STK17A: variants seen among roughly 807,000 people sequenced by gnomAD.
STK17A encodes the protein serine/threonine kinase 17a.
STK17A carries 26 observed loss-of-function variants against 43.7 expected under a neutral mutation model. The observed-to-expected ratio is 0.60, with a 90% CI of 0.44 to 0.83. The LOEUF (loss-of-function observed/expected upper bound fraction) is 0.83, where lower values mean the gene tolerates loss of function less well. STK17A is among the 40% of genes least tolerant of loss of function. STK17A has a pLI of 0.00. For missense variants in STK17A, 476 were observed against 511.6 expected (o/e 0.93, Z 0.67); for synonymous variants, 191 against 182.5 (o/e 1.05, Z -0.38).
In STK17A at chr7:43,626,241, A is replaced by G. The variant is rs1047012430; in HGVS notation, c.*1399A>G. 1 of 152,222 alleles carries G rather than the reference A, an allele frequency of 6.6e-6. No individual in the cohort carries two copies. Among genetic ancestry groups the G allele is most frequent in the East Asian group, 1.9e-4 (1 of 5,202 alleles). The allele number at this position is 152,222 out of a possible 1,614,324, so 9.4% of individuals were successfully genotyped here. ...GCTCTCTCCCTAACATGGTTTCTCA[A>G]CTGTCAAAATCATGAAAATGACAGC... is the stretch of plus-strand genomic sequence containing the variant. On this transcript the variant is annotated 3_prime_UTR_variant, in exon 7 of 7. Coordinates refer to ENST00000319357, the MANE Select transcript of STK17A (RefSeq NM_004760.3).
intron 1 of STK17A, among the ~76,000 whole-genome samples, chr7:43,593,945 T>C (rs1441947593): frequency 6.6e-6 from 1 of 152,240 alleles, no homozygotes; most frequent in Non-Finnish European, 1.5e-5. Flanking sequence ...ATTTGAAATA[T>C]GAAAACATGT....
At chr7:43,588,119 G>T (rs2082455540) in intron 1 of STK17A, among the ~76,000 whole-genome samples, 1 of 151,302 alleles carries the variant, frequency 6.6e-6, no homozygotes, top group African/African-American at 2.4e-5. Context: ...ACATTATGTA[G>T]ACTTAATAGC....
In STK17A at chr7:43,611,760, T is replaced by C. The variant is rs535427218; in HGVS notation, c.564+3360T>C. On this transcript the variant is annotated intron_variant, in intron 3 of 6. Transcript: ENST00000319357. ...CATGTTTGGTTTTACACTCTTAACTTTGCAAAATCGTGTATCTGTTTTATT... is the reference window on the plus strand; with the variant it reads ...CATGTTTGGTTTTACACTCTTAACTCTGCAAAATCGTGTATCTGTTTTATT... Among the ~76,000 whole-genome samples the C allele has an allele frequency of 2.0e-5, 3 of 152,350 alleles. No individual in the cohort carries two copies. The East Asian group carries it at 5.8e-4, about 29-fold the overall frequency.
At chr7:43,583,886 A>C (rs2152969961) in intron 1 of STK17A, among the ~76,000 whole-genome samples, 1 of 152,250 alleles carries the variant, frequency 6.6e-6, no homozygotes, top group African/African-American at 2.4e-5. Flanking sequence ...TTAATAAAAT[A>C]CAGCATCCGT....
chr7:43,585,354 T>TTA (rs1232789778), intron 1 of STK17A, among the ~76,000 whole-genome samples: 3 of 142,870 alleles, frequency 2.1e-5, no homozygotes, highest in Non-Finnish European at 4.9e-5. Context: ...CCCCACCAGG[T>TTA]GTTATGGTAC....
intron 4 of STK17A, among the ~76,000 whole-genome samples, chr7:43,619,946 A>C (rs1423172241): frequency 6.6e-6 from 1 of 152,236 alleles, no homozygotes; most frequent in Non-Finnish European, 1.5e-5. Context: ...AGCTAAGAGA[A>C]TTTGAAGGGA....
chr7:43,583,482 C>T, intron 1 of STK17A, 33 bp downstream of exon 1: 5 of 1,259,670 alleles, frequency 4.0e-6, no homozygotes, highest in Non-Finnish European at 5.0e-6. Flanking sequence ...GCGGAACCTT[C>T]CCGGACGCGC....
At chr7:43,621,999 C>T (rs1248033080) in intron 4 of STK17A, among the ~76,000 whole-genome samples, 1 of 152,124 alleles carries the variant, frequency 6.6e-6, no homozygotes, top group African/African-American at 2.4e-5. Flanking sequence ...CCTCAGATTC[C>T]TCTGTCCATA....
chr7:43,619,133 C>G (rs1029778435), intron 3 of STK17A, among the ~76,000 whole-genome samples: 2 of 152,196 alleles, frequency 1.3e-5, no homozygotes, highest in Non-Finnish European at 2.9e-5. Context: ...CTGAAAGACA[C>G]AGACGGGATT....
chr7:43,608,489 C>T lies in STK17A; in HGVS notation c.564+89C>T, dbSNP rs954798712. The T allele has an allele frequency of 7.5e-5, 109 of 1,452,772 alleles. No individual in the cohort carries two copies. The African/African-American group carries it at 1.1e-3, about 15-fold the overall frequency. The allele number at this position is 1,452,772 out of a possible 1,614,324, so 90.0% of individuals were successfully genotyped here. A position where few individuals can be genotyped will look rare whatever the true frequency, so the allele number is the denominator to read the frequency against. On this transcript the variant is annotated intron_variant, in intron 3 of 6. Transcript: ENST00000319357. ...CAGTGATTTATTCAAACATGTTTCA[C>T]GTTTGTGTATTATTAGGTAACAAGG...
intron 2 of STK17A, among the ~76,000 whole-genome samples, chr7:43,604,494 C>T (rs1032551823): frequency 1.3e-5 from 2 of 152,126 alleles, no homozygotes; most frequent in Non-Finnish European, 2.9e-5. Flanking sequence ...CCTCACCCTA[C>T]ATTCTTGGCA....
intron 2 of STK17A, among the ~76,000 whole-genome samples, chr7:43,603,537 G>C (rs948271762): frequency 2.6e-5 from 4 of 152,180 alleles, no homozygotes; most frequent in African/African-American, 9.6e-5. Flanking sequence ...TCTTAACCTG[G>C]AAATGAAATG....
intron 2 of STK17A, among the ~76,000 whole-genome samples, chr7:43,605,123 ATCTGCCAATTCCATCATC>A (rs1180788163): frequency 2.0e-5 from 3 of 152,168 alleles, no homozygotes; most frequent in African/African-American, 7.2e-5. Flanking sequence ...TAAGGTCCTT[ATCTGCCAATTCCATCATC>A]TCTGTCATTT....
In STK17A at chr7:43,623,460, C is replaced by T. The variant is rs1002067033; in HGVS notation, c.692-112C>T. 1.4e-5 allele frequency: 11 copies of T among 813,584 alleles called. No individual in the cohort carries two copies. The African/African-American group carries it at 1.9e-4, about 14-fold the overall frequency. The allele number at this position is 813,584 out of a possible 1,614,324, so 50.4% of individuals were successfully genotyped here. The stretch of plus-strand genomic sequence containing the variant: ...ATTTATGGTAACCTTTCATTTTAGC[C>T]CAAACGTTGGATAGTGCCTTATAGT... On this transcript the variant is annotated intron_variant, in intron 4 of 6. Coordinates refer to ENST00000319357, the MANE Select transcript of STK17A (RefSeq NM_004760.3).
intron 3 of STK17A, among the ~76,000 whole-genome samples, chr7:43,610,516 A>T (rs962237757): frequency 6.6e-6 from 1 of 151,452 alleles, no homozygotes; most frequent in Admixed American, 6.6e-5. Context: ...AAATACAAAA[A>T]ATTAGCCAAG....
chr7:43,592,224 G>A (rs1227328517), intron 1 of STK17A, among the ~76,000 whole-genome samples: 2 of 151,526 alleles, frequency 1.3e-5, no homozygotes, highest in East Asian at 3.8e-4. Flanking sequence ...GGAGATGTTA[G>A]CCTAATGATT....
intron 1 of STK17A, among the ~76,000 whole-genome samples, chr7:43,592,447 C>T (rs2082486222): frequency 7.0e-6 from 1 of 142,796 alleles, no homozygotes; most frequent in Non-Finnish European, 1.6e-5. Context: ...ATGATAAAAA[C>T]ATGGAGGACA....
At chr7:43,608,975 G>A (rs34794727) in intron 3 of STK17A, 22,331 of 152,150 alleles carry the variant, frequency 0.15, 2,179 homozygotes, top group Non-Finnish European at 0.21. Flanking sequence ...CATCAAAGGC[G>A]GAGAAGAGGA....
Position 43,625,174 on chromosome 7 carries a change from GCC to G in STK17A, c.*333_*334del, listed in dbSNP as rs2084371582. 3 of 200,400 alleles carry G rather than the reference GCC, an allele frequency of 1.5e-5. No individual in the cohort carries two copies. The South Asian group carries it at 3.5e-4, about 23-fold the overall frequency. 12.4% of individuals were successfully genotyped at this position (200,400 alleles called of 1,614,324 possible). On this transcript the variant is annotated 3_prime_UTR_variant, in exon 7 of 7. Transcript: ENST00000319357. ...TTCTTTAAAAAATCCAAGTAAAAGT[GCC>G]AAAACTACACTTCTGTAAATCTCTT...
Sources: allele counts gnomAD v4.1 joint callset (sites outside exome capture counted in the v4.1 genomes callset), GRCh38; gene constraint gnomAD v4.1.1; transcripts MANE v1.5; gene names NCBI Gene and HGNC (gene_info 2026-07-23, HGNC 2026-07-21).